The following OSBPL3 variants were observed in gnomAD, a reference collection of about 807,000 sequenced individuals.
OSBPL3 encodes the protein oxysterol binding protein like 3, also known as oxysterol-binding protein-related protein 3.
A neutral mutation model predicts 120.1 loss-of-function variants in OSBPL3; 65 were observed. The ratio of observed to expected loss-of-function variants is 0.54; its 90% CI spans 0.44 to 0.67. The LOEUF (loss-of-function observed/expected upper bound fraction) is 0.67, where lower values mean the gene tolerates loss of function less well. Among genes scored for constraint, OSBPL3 ranks in the 30% least tolerant of loss-of-function variants. The pLI is 0.00. For synonymous variants in OSBPL3, 416 were observed against 402.6 expected, an observed-to-expected ratio of 1.03 and a Z score of -0.40; for missense variants, 1,004 against 1,082.1, an observed-to-expected ratio of 0.93 and a Z score of 1.01.
In OSBPL3 at chr7:24,799,196, G is replaced by T. The variant is rs1164994387; in HGVS notation, c.*987C>A. ...TTAAGAGGTAGAAAATACTAAAACA[G>T]CATTTAAGAAAAACATGTTGAGTTA... is the stretch of plus-strand genomic sequence containing the variant. On this transcript the variant is annotated 3_prime_UTR_variant, in exon 23 of 23. Coordinates refer to ENST00000313367, the MANE Select transcript of OSBPL3 (RefSeq NM_015550.4). This position sits in a 1 kb window ranked among gnomAD's most constrained non-coding sequence, Gnocchi z 5.3. 1 of 152,550 alleles carries T rather than the reference G, an allele frequency of 6.6e-6. No homozygotes were observed. The highest frequency in any genetic ancestry group is 1.5e-5 in the Non-Finnish European group (1 of 68,030). The allele number at this position is 152,550 out of a possible 1,614,324, so 9.4% of individuals were successfully genotyped here.
At chr7:24,859,289 A>G (rs1800209788) in intron 10 of OSBPL3, among the ~76,000 whole-genome samples, 1 of 152,190 alleles carries the variant, frequency 6.6e-6, no homozygotes, top group South Asian at 2.1e-4. Context: ...CATATTACAC[A>G]CTGCCCTCCC....
Position 24,915,637 on chromosome 7 carries a change from A to G in OSBPL3, c.-149-23016T>C, listed in dbSNP as rs1268834844. Reference sequence around the variant, plus strand: ...CACCCAGGCTGGAGTGCAGTGGTACAATCTTGGCTCACTGCAGCCTCTGCC... The same window carrying G: ...CACCCAGGCTGGAGTGCAGTGGTACGATCTTGGCTCACTGCAGCCTCTGCC... On this transcript the variant is annotated intron_variant, in intron 1 of 22. Coordinates refer to ENST00000313367, the MANE Select transcript of OSBPL3 (RefSeq NM_015550.4). Among the ~76,000 whole-genome samples the G allele has an allele frequency of 4.0e-5, 6 of 151,234 alleles. No individual in the cohort carries two copies. In the East Asian group the frequency reaches 7.8e-4, roughly 20 times the overall value.
intron 1 of OSBPL3, among the ~76,000 whole-genome samples, chr7:24,944,812 G>A (rs1008258354): frequency 2.6e-5 from 4 of 152,044 alleles, no homozygotes; most frequent in African/African-American, 7.3e-5. Context: ...CCTCTATAAG[G>A]CCCTTCTCAT....
At chr7:24,869,920 A>C (rs1801871912) in intron 5 of OSBPL3, among the ~76,000 whole-genome samples, 1 of 152,228 alleles carries the variant, frequency 6.6e-6, no homozygotes, top group Non-Finnish European at 1.5e-5. Context: ...TGCCCAAGTA[A>C]GAAAACAGTC....
intron 1 of OSBPL3, among the ~76,000 whole-genome samples, chr7:24,921,558 T>G (rs1333768102): frequency 1.3e-5 from 2 of 152,126 alleles, no homozygotes; most frequent in Non-Finnish European, 2.9e-5. Context: ...AACTCCAGAA[T>G]GTAGCTCAGA....
chr7:24,845,385 A>T (rs200094932), intron 12 of OSBPL3, among the ~76,000 whole-genome samples: 700 of 21,344 alleles, frequency 0.033, 4 homozygotes, highest in East Asian at 0.18. Flanking sequence ...CAAAATAAGT[A>T]AAAAAAAAAA....
chr7:24,919,239 A>G (rs1306660230), intron 1 of OSBPL3, among the ~76,000 whole-genome samples: 1 of 152,188 alleles, frequency 6.6e-6, no homozygotes, highest in Non-Finnish European at 1.5e-5. Flanking sequence ...TGGAGGAGTC[A>G]CACTTTGTGA....
intron 1 of OSBPL3, among the ~76,000 whole-genome samples, chr7:24,908,671 T>C (rs1405916264): frequency 1.3e-5 from 2 of 152,230 alleles, no homozygotes; most frequent in African/African-American, 4.8e-5. Context: ...TTTTGCTTCA[T>C]TCTCATAAGC....
Position 24,897,305 on chromosome 7 carries a change from T to C in OSBPL3, c.-149-4684A>G, listed in dbSNP as rs942177049. On this transcript the variant is annotated intron_variant, in intron 1 of 22. Transcript: ENST00000313367. Reference sequence around the variant, plus strand: ...TACCCCTCCTTCAACTACAAACAAATAAAGATGGCAGAATCTTTTTTTTTT... The same window carrying C: ...TACCCCTCCTTCAACTACAAACAAACAAAGATGGCAGAATCTTTTTTTTTT... Among the ~76,000 whole-genome samples, 8 of 143,274 alleles carry C rather than the reference T, an allele frequency of 5.6e-5. 1 individual carries two copies. In the South Asian group the frequency reaches 1.8e-3, roughly 32 times the overall value. The allele number at this position is 143,274 out of a possible 152,430, so 94.0% of individuals were successfully genotyped here.
intron 20 of OSBPL3, 79 bp downstream of exon 20, chr7:24,809,728 C>T: frequency 2.2e-6 from 3 of 1,366,404 alleles, no homozygotes; most frequent in Non-Finnish European, 3.1e-6. Context: ...AGACACTACT[C>T]CTGTCCTCTG....
rs1369662081 is a variant in OSBPL3 at position 24,913,952 on chromosome 7, G to T, written c.-149-21331C>A. ...TAAGGAGCAGATTCATTACGAAAGA[G>T]TCAAAATCGCAAGCACCATTCAATC... On this transcript the variant is annotated intron_variant, in intron 1 of 22. Transcript: ENST00000313367. The surrounding 1 kb of genome is among the most constrained non-coding windows in gnomAD (Gnocchi z 5.3). Among the ~76,000 whole-genome samples, 1 of 152,170 alleles carries T rather than the reference G, an allele frequency of 6.6e-6. No individual in the cohort carries two copies. Among genetic ancestry groups the T allele is most frequent in the Admixed American group, 6.5e-5 (1 of 15,280 alleles).
Position 24,806,406 on chromosome 7 carries a change from G to A in OSBPL3, c.2444+370C>T, listed in dbSNP as rs1793044111. Reference sequence around the variant, plus strand: ...CACACACCTTGTGAGCAGCAACCTAGAATCAGCAGTTAGATCTCAGTGCAC... The same window carrying A: ...CACACACCTTGTGAGCAGCAACCTAAAATCAGCAGTTAGATCTCAGTGCAC... On this transcript the variant is annotated intron_variant, in intron 21 of 22. Transcript: ENST00000313367. The surrounding 1 kb of genome is among the most constrained non-coding windows in gnomAD (Gnocchi z 5.2). 6.6e-6 allele frequency among the ~76,000 whole-genome samples: 1 copy of A among 152,306 alleles called. No homozygotes were observed. The highest frequency in any genetic ancestry group is 1.5e-5 in the Non-Finnish European group (1 of 68,026).
rs562159409 is a variant in OSBPL3, at chr7:24,946,264, A to G, written c.-150+33622T>C. ...GCATGGTCAGAGCTAATGTCCCAAGAGAAGTAAGCAGAAATTGCACAGCCT... is the reference window on the plus strand; with the variant it reads ...GCATGGTCAGAGCTAATGTCCCAAGGGAAGTAAGCAGAAATTGCACAGCCT... On this transcript the variant is annotated intron_variant, in intron 1 of 22. Transcript: ENST00000313367. The surrounding 1 kb of genome is among the most constrained non-coding windows in gnomAD (Gnocchi z 4.3). 7.9e-5 allele frequency among the ~76,000 whole-genome samples: 12 copies of G among 152,308 alleles called. No individual in the cohort carries two copies. The South Asian group carries it at 2.5e-3, about 32-fold the overall frequency.
Position 24,968,655 on chromosome 7 carries a change from C to T in OSBPL3, c.-150+11231G>A, listed in dbSNP as rs967731026. Among the ~76,000 whole-genome samples the T allele has an allele frequency of 6.6e-6, 1 of 152,186 alleles. No individual in the cohort carries two copies. Among genetic ancestry groups the T allele is most frequent in the African/African-American group, 2.4e-5 (1 of 41,434 alleles). ...CAGGTGATTCGCCCACCTCGGCCTC[C>T]CAAAGTGCTAGGATTACAGGTGTGA... On this transcript the variant is annotated intron_variant, in intron 1 of 22. Transcript: ENST00000313367. The surrounding 1 kb of genome is among the most constrained non-coding windows in gnomAD (Gnocchi z 4.6).
intron 1 of OSBPL3, among the ~76,000 whole-genome samples, chr7:24,910,999 G>A (rs1562917631): frequency 6.6e-6 from 1 of 152,230 alleles, no homozygotes; most frequent in Admixed American, 6.5e-5. Flanking sequence ...GGCATCCTGA[G>A]ACACTCCCAG....
chr7:24,887,560 CAGG>C (rs1804716171), intron 2 of OSBPL3, among the ~76,000 whole-genome samples: 1 of 152,220 alleles, frequency 6.6e-6, no homozygotes, highest in Non-Finnish European at 1.5e-5. Flanking sequence ...CAGGAAAAAG[CAGG>C]AGTTGAGTTT....
chr7:24,841,694 CAAAAAAA>C (rs67988881), intron 13 of OSBPL3, among the ~76,000 whole-genome samples: 1 of 12,154 alleles, frequency 8.2e-5, no homozygotes, highest in African/African-American at 2.1e-4. Context: ...GACTATGTCT[CAAAAAAA>C]AAAAAAAAAA....
rs775513206 is a variant in OSBPL3 at position 24,863,609 on chromosome 7, A to T, written c.674-10T>A. 1.9e-6 allele frequency: 3 copies of T among 1,574,196 alleles called. No individual in the cohort carries two copies. In the East Asian group the frequency reaches 6.7e-5, roughly 35 times the overall value. ...TGACAGTGCGCCAGGTCTGTGGGGG[A>T]AAAGAGGACAGTGCTCACAATGCTC... On this transcript the variant is annotated splice_polypyrimidine_tract_variant and intron_variant, in intron 7 of 22. Transcript: ENST00000313367. The surrounding 1 kb of genome is among the most constrained non-coding windows in gnomAD (Gnocchi z 5.8).
At chr7:24,928,294 C>T (rs1184296502) in intron 1 of OSBPL3, among the ~76,000 whole-genome samples, 2 of 151,770 alleles carry the variant, frequency 1.3e-5, no homozygotes, top group East Asian at 1.9e-4. Context: ...CAGGTTCACG[C>T]CATTCTCCTG....
Sources: gnomAD v4.1 joint callset for allele counts (sites outside exome capture counted in the v4.1 genomes callset) on GRCh38, gnomAD v4.1.1 for gene constraint, Gnocchi (gnomAD v3.1) non-coding constraint, MANE v1.5 for transcripts, NCBI Gene and HGNC (gene_info 2026-07-23, HGNC 2026-07-21) for gene names.